Variants in OTOGL observed in about 807,000 individuals in gnomAD.
OTOGL encodes the protein otogelin like.
OTOGL carries 285 observed loss-of-function variants against 318.5 expected under a neutral mutation model. The observed-to-expected ratio is 0.89, with a 90% CI of 0.81 to 0.99. OTOGL has a LOEUF of 0.99. Ranked by LOEUF, OTOGL falls within the 50% of genes least tolerant of loss-of-function variation. The pLI is 0.00. For synonymous variants in OTOGL, 987 were observed against 936.5 expected (o/e 1.05, Z -0.99); for missense variants, 2,899 against 2,845.6 (o/e 1.02, Z -0.43).
chr12:80,290,390 G>A (rs1884965174), intron 26 of OTOGL, among the ~76,000 whole-genome samples: 1 of 151,896 alleles, frequency 6.6e-6, no homozygotes, highest in African/African-American at 2.4e-5. Context: ...ACTAGATAGT[G>A]CTGATGCTCC....
chr12:80,181,954 G>A lies in OTOGL; in HGVS notation c.-19-27459G>A, dbSNP rs1874954079. 2.6e-5 allele frequency among the ~76,000 whole-genome samples: 4 copies of A among 151,940 alleles called. No individual in the cohort carries two copies. In the South Asian group the frequency reaches 8.3e-4, roughly 32 times the overall value. Reference sequence around the variant, plus strand: ...TGAGGCAGGAGCATTGCTTGAGTCCGGGAGGTAAAGACCAGTCTAGGCAAC... The same window carrying A: ...TGAGGCAGGAGCATTGCTTGAGTCCAGGAGGTAAAGACCAGTCTAGGCAAC... On this transcript the variant is annotated intron_variant, in intron 1 of 58. Coordinates refer to ENST00000547103, the MANE Select transcript of OTOGL (RefSeq NM_001378609.3).
At chr12:80,214,049 G>A (rs1877492754) in intron 4 of OTOGL, among the ~76,000 whole-genome samples, 3 of 152,176 alleles carry the variant, frequency 2.0e-5, no homozygotes, top group Non-Finnish European at 4.4e-5. Context: ...GTATTTCCCT[G>A]GGCCTCTCTC....
chr12:80,319,589 C>A (rs551777132), intron 33 of OTOGL, among the ~76,000 whole-genome samples: 2 of 152,154 alleles, frequency 1.3e-5, no homozygotes, highest in South Asian at 4.1e-4. Flanking sequence ...TGGTGCTCAG[C>A]AGAAGAACTT....
chr12:80,201,158 A>C (rs2137284486), intron 1 of OTOGL, among the ~76,000 whole-genome samples: 1 of 152,044 alleles, frequency 6.6e-6, no homozygotes, highest in East Asian at 1.9e-4. Flanking sequence ...CTGGGGAATT[A>C]TTTTTCTTGC....
At position 80,267,234 on chromosome 12, in the gene OTOGL, T is replaced by C. The variant is rs1323122453; in HGVS notation, c.2391-19T>C. ...TGAAAAAAATTGTATCCTATTTACT[T>C]TACTTTTTCTTCGTATAGATTCCAC... is the stretch of plus-strand genomic sequence containing the variant. On this transcript the variant is annotated intron_variant, in intron 21 of 58. Transcript: ENST00000547103. 1.4e-6 allele frequency: 2 copies of C among 1,466,896 alleles called. No homozygotes were observed. The highest frequency in any genetic ancestry group is 1.9e-6 in the Non-Finnish European group (2 of 1,074,634). 90.9% of individuals were successfully genotyped at this position (1,466,896 alleles called of 1,614,324 possible). A position where few individuals can be genotyped will look rare whatever the true frequency, so the allele number is the denominator to read the frequency against.
At chr12:80,262,587 G>C (rs1037351674) in intron 19 of OTOGL, among the ~76,000 whole-genome samples, 1 of 152,048 alleles carries the variant, frequency 6.6e-6, no homozygotes, top group African/African-American at 2.4e-5. Flanking sequence ...CATTGAGTGG[G>C]CAACAATTTG....
intron 16 of OTOGL, 69 bp from the exon 17 acceptor site, chr12:80,256,268 C>T (rs933311707): frequency 6.7e-7 from 1 of 1,486,752 alleles, no homozygotes; most frequent in African/African-American, 1.4e-5. Flanking sequence ...CCCATCTCCA[C>T]CTTCCTGTCT....
intron 9 of OTOGL, 96 bp downstream of exon 9, chr12:80,233,193 G>A (rs879861368): frequency 1.8e-6 from 2 of 1,107,668 alleles, no homozygotes; most frequent in Admixed American, 6.1e-5. Context: ...ATAGCTTTGG[G>A]AAAATTTGTG....
intron 44 of OTOGL, chr12:80,343,526 T>TTTTTTTTTTTTTTC (rs1555301044): frequency 2.5e-5 from 3 of 118,160 alleles, no homozygotes; most frequent in African/African-American, 1.4e-4. Context: ...TTTTTTTTTT[T>TTTTTTTTTTTTTTC]TTTTTTTTTT....
At chr12:80,149,338 T>TG (rs1872617210) in intron 1 of OTOGL, among the ~76,000 whole-genome samples, 2 of 140,506 alleles carry the variant, frequency 1.4e-5, no homozygotes, top group African/African-American at 2.6e-5. Context: ...GTGCCCCTGC[T>TG]GGGGGGTGCC....
At chr12:80,323,899 T>G in intron 35 of OTOGL, 59 bp downstream of exon 35, 5 of 1,338,918 alleles carry the variant, frequency 3.7e-6, no homozygotes, top group Non-Finnish European at 5.3e-6. Flanking sequence ...CTGTTTTCAG[T>G]TGATTTTTTT....
intron 1 of OTOGL, among the ~76,000 whole-genome samples, chr12:80,179,980 C>T (rs1363403261): frequency 6.6e-6 from 1 of 152,196 alleles, no homozygotes; most frequent in African/African-American, 2.4e-5. Flanking sequence ...CAAAAGAAGC[C>T]ACTGTATCCT....
chr12:80,158,679 T>G (rs1459687125), intron 1 of OTOGL, among the ~76,000 whole-genome samples: 4 of 152,114 alleles, frequency 2.6e-5, no homozygotes, highest in Non-Finnish European at 5.9e-5. Flanking sequence ...TGTACATTAA[T>G]TTTGTATCCT....
chr12:80,362,097 T>C (rs1850853693), intron 52 of OTOGL, among the ~76,000 whole-genome samples: 1 of 152,202 alleles, frequency 6.6e-6, no homozygotes, highest in African/African-American at 2.4e-5. Context: ...TTTCTTCTAG[T>C]GGTTTTATAG....
Position 80,302,744 on chromosome 12 carries a change from G to A in OTOGL, c.3174G>A (p.Arg1058=). 1 of 1,541,292 alleles carries A rather than the reference G, an allele frequency of 6.5e-7. No homozygotes were observed. ...PEKDITILWD[R]KTTIHIKVGP... The stretch of plus-strand genomic sequence containing the variant: ...AAGATATCACTATTCTTTGGGATAG[G>A]AAGACAACTATTCATATCAAAGTTG... Residue 1058 remains arginine, a synonymous_variant, in exon 28 of 59, where the codon AGG becomes AGA. Coordinates refer to ENST00000547103, the MANE Select transcript of OTOGL (RefSeq NM_001378609.3).
chr12:80,251,844 TG>T, intron 12 of OTOGL, 45 bp downstream of exon 12: 1 of 1,503,590 alleles, frequency 6.7e-7, no homozygotes, highest in Non-Finnish European at 9.0e-7. Context: ...TTGCCAATTT[TG>T]GGTTAAACCT....
intron 23 of OTOGL, among the ~76,000 whole-genome samples, chr12:80,271,001 GA>G (rs1883366393): frequency 6.6e-6 from 1 of 152,096 alleles, no homozygotes; most frequent in African/African-American, 2.4e-5. Flanking sequence ...TACATGCCCT[GA>G]ATTTACTTTA....
At chr12:80,292,177 G>A (rs1442135407) in intron 26 of OTOGL, among the ~76,000 whole-genome samples, 4 of 151,922 alleles carry the variant, frequency 2.6e-5, no homozygotes, top group Admixed American at 6.6e-5. Flanking sequence ...TAGTAGAGAC[G>A]GGGTTTCTCC....
In OTOGL at chr12:80,128,732, G is replaced by A. The variant is rs539244091; in HGVS notation, c.-20+29127G>A. Among the ~76,000 whole-genome samples the A allele has an allele frequency of 1.0e-3, 158 of 152,280 alleles. 2 individuals carry two copies. Among genetic ancestry groups the A allele is most frequent in the Admixed American group, 3.0e-3 (46 of 15,300 alleles). ...TGCTTTGTTTACCTAGTCAAGCTTT[G>A]GCAATGTCGGGCACCCGTCCCCCAG... On this transcript the variant is annotated intron_variant, in intron 1 of 58. Coordinates refer to ENST00000547103, the MANE Select transcript of OTOGL (RefSeq NM_001378609.3).
Sources: allele counts gnomAD v4.1 joint callset (sites outside exome capture counted in the v4.1 genomes callset), GRCh38; gene constraint gnomAD v4.1.1; transcripts MANE v1.5; gene names NCBI Gene and HGNC (gene_info 2026-07-23, HGNC 2026-07-21).